The following NUTF2 variants were observed in gnomAD, a reference collection of about 807,000 sequenced individuals.
NUTF2 encodes placental protein 15.
Under a neutral mutation model 18.5 loss-of-function variants are expected in NUTF2, and 3 were observed. That is an observed-to-expected ratio of 0.16 (90% CI 0.07 to 0.42). The LOEUF is 0.42. NUTF2 is among the 10% of genes least tolerant of loss of function. The pLI, the probability that NUTF2 is intolerant of heterozygous loss-of-function variation, is 0.99. For missense variants in NUTF2, 44 were observed against 160.7 expected (o/e 0.27, Z 3.93); for synonymous variants, 51 against 57.9 (o/e 0.88, Z 0.54).
intron 1 of NUTF2, among the ~76,000 whole-genome samples, chr16:67,862,624 C>G (rs1220977551): frequency 2.0e-5 from 3 of 152,232 alleles, no homozygotes; most frequent in African/African-American, 7.2e-5. Context: ...CACTTGAGCT[C>G]AGGAGTTTGA....
Position 67,871,019 on chromosome 16 carries a change from G to A in NUTF2, c.*106G>A, listed in dbSNP as rs550044079. On this transcript the variant is annotated 3_prime_UTR_variant, in exon 5 of 5. Coordinates refer to ENST00000219169, the MANE Select transcript of NUTF2 (RefSeq NM_005796.3). Reference sequence around the variant, plus strand: ...ATATCATGCACAAATGAGCAGGGCCGCGGTGGGAGTGGGCGCAGTGCGCTG... The same window carrying A: ...ATATCATGCACAAATGAGCAGGGCCACGGTGGGAGTGGGCGCAGTGCGCTG... The A allele has an allele frequency of 7.0e-5, 59 of 843,610 alleles. No individual in the cohort carries two copies. Among genetic ancestry groups the A allele is most frequent in the Admixed American group, 1.1e-4 (5 of 43,910 alleles). 52.3% of individuals were successfully genotyped at this position (843,610 alleles called of 1,614,324 possible).
chr16:67,864,643 C>G (rs1289481100), intron 1 of NUTF2, among the ~76,000 whole-genome samples: 1 of 152,026 alleles, frequency 6.6e-6, no homozygotes, highest in African/African-American at 2.4e-5. Context: ...ATAGTACACA[C>G]ACACAGGTAT....
intron 1 of NUTF2, among the ~76,000 whole-genome samples, chr16:67,857,270 G>T (rs2057904376): frequency 6.6e-6 from 1 of 152,206 alleles, no homozygotes; most frequent in Non-Finnish European, 1.5e-5. Context: ...TGAGTGCAGA[G>T]CAGAGACCAG....
At chr16:67,864,988 G>C in intron 1 of NUTF2, 114 bp from the exon 2 acceptor site, 1 of 604,300 alleles carries the variant, frequency 1.7e-6, no homozygotes, top group South Asian at 2.0e-5. Context: ...TGTTCTCTGA[G>C]AGAACAGATC....
intron 1 of NUTF2, among the ~76,000 whole-genome samples, chr16:67,861,158 A>G (rs960875163): frequency 7.2e-5 from 11 of 152,292 alleles, no homozygotes; most frequent in African/African-American, 2.6e-4. Context: ...TCCACCACCT[A>G]TCAGCTGCTG....
intron 1 of NUTF2, among the ~76,000 whole-genome samples, chr16:67,857,192 G>C (rs1034703419): frequency 6.6e-6 from 1 of 152,224 alleles, no homozygotes; most frequent in Non-Finnish European, 1.5e-5. Flanking sequence ...ACAGATGGGA[G>C]CTGTGTAGAA....
chr16:67,865,351 C>G (rs774627084), intron 2 of NUTF2, 122 bp downstream of exon 2: 25 of 653,126 alleles, frequency 3.8e-5, no homozygotes, highest in Non-Finnish European at 5.9e-5. Context: ...TGTATCTGAA[C>G]TTTTGTCCAC....
chr16:67,858,207 G>A (rs1217690181), intron 1 of NUTF2, among the ~76,000 whole-genome samples: 8 of 152,166 alleles, frequency 5.3e-5, no homozygotes, highest in South Asian at 2.1e-4. Flanking sequence ...TCACTCTGTC[G>A]CCCAGGCTGG....
intron 1 of NUTF2, among the ~76,000 whole-genome samples, chr16:67,859,112 A>G (rs1242475070): frequency 6.6e-6 from 1 of 151,816 alleles, no homozygotes; most frequent in Non-Finnish European, 1.5e-5. Flanking sequence ...CCGAGGGATT[A>G]CAGTCATGAT....
chr16:67,859,172 C>G (rs921026820), intron 1 of NUTF2, among the ~76,000 whole-genome samples: 1 of 151,332 alleles, frequency 6.6e-6, no homozygotes, highest in African/African-American at 2.4e-5. Context: ...ACTCTGGCTC[C>G]GAGGGTTTGT....
intron 1 of NUTF2, among the ~76,000 whole-genome samples, chr16:67,852,398 C>T (rs370290324): frequency 6.1e-4 from 93 of 151,348 alleles, no homozygotes; most frequent in African/African-American, 2.0e-3. Context: ...TCACTCTTGC[C>T]CAGGCTCAAG....
At chr16:67,857,371 T>C (rs2057904949) in intron 1 of NUTF2, among the ~76,000 whole-genome samples, 1 of 152,124 alleles carries the variant, frequency 6.6e-6, no homozygotes, top group Non-Finnish European at 1.5e-5. Flanking sequence ...AAGGGGCCCT[T>C]AGGGTGCTGT....
intron 1 of NUTF2, 46 bp from the exon 2 acceptor site, chr16:67,865,056 C>T (rs1336276189): frequency 2.0e-6 from 2 of 984,116 alleles, no homozygotes; most frequent in Non-Finnish European, 3.2e-6. Flanking sequence ...TGGTCACCTA[C>T]TCTCATGGTA....
chr16:67,850,822 A>T (rs1034911823), intron 1 of NUTF2, among the ~76,000 whole-genome samples: 5 of 151,432 alleles, frequency 3.3e-5, no homozygotes, highest in Admixed American at 2.6e-4. Flanking sequence ...TTTTTTTGAG[A>T]CAGAGCCTCG....
chr16:67,858,356 C>T (rs759627204), intron 1 of NUTF2, among the ~76,000 whole-genome samples: 1 of 152,102 alleles, frequency 6.6e-6, no homozygotes, highest in South Asian at 2.1e-4. Context: ...TTAGTAGAGA[C>T]GGGGTTTCAC....
intron 1 of NUTF2, among the ~76,000 whole-genome samples, chr16:67,856,785 C>T (rs1460384674): frequency 6.6e-6 from 1 of 152,178 alleles, no homozygotes; most frequent in Non-Finnish European, 1.5e-5. Flanking sequence ...GCTGGGTTTA[C>T]AGGCATGAGC....
chr16:67,867,300 A>G (rs1888138458), intron 2 of NUTF2, among the ~76,000 whole-genome samples: 2 of 152,230 alleles, frequency 1.3e-5, no homozygotes, highest in South Asian at 2.1e-4. Context: ...GGCCTGAGCC[A>G]GAGAAGAGAG....
chr16:67,862,353 GC>G (rs2057940649), intron 1 of NUTF2, among the ~76,000 whole-genome samples: 1 of 152,158 alleles, frequency 6.6e-6, no homozygotes, highest in South Asian at 2.1e-4. Context: ...AGTGAAGCAG[GC>G]CTCAATCCCA....
intron 2 of NUTF2, among the ~76,000 whole-genome samples, chr16:67,867,760 C>G (rs1165448683): frequency 1.3e-5 from 2 of 152,084 alleles, no homozygotes; most frequent in Non-Finnish European, 2.9e-5. Flanking sequence ...GATTTCGGCT[C>G]GCTACAAACC....
Sources: gnomAD v4.1 joint callset for allele counts (sites outside exome capture counted in the v4.1 genomes callset) on GRCh38, gnomAD v4.1.1 for gene constraint, MANE v1.5 for transcripts, NCBI Gene and HGNC (gene_info 2026-07-23, HGNC 2026-07-21) for gene names.